ANKRD27: variants seen among roughly 807,000 people sequenced by gnomAD.
The protein encoded by ANKRD27 is ankyrin repeat domain-containing protein 27.
ANKRD27 carries 112 observed loss-of-function variants against 129.7 expected under a neutral mutation model. The ratio of observed to expected loss-of-function variants is 0.86; its 90% CI spans 0.74 to 1.01. The LOEUF is 1.01. Ranked by LOEUF, ANKRD27 falls within the 50% of genes least tolerant of loss-of-function variation. The probability of loss-of-function intolerance (pLI) is 0.00; values close to 1 mark genes in which losing one functional copy is unlikely to be tolerated. For missense variants in ANKRD27, 1,258 were observed against 1,300.5 expected, an observed-to-expected ratio of 0.97 and a Z score of 0.50; for synonymous variants, 516 against 511.2, an observed-to-expected ratio of 1.01 and a Z score of -0.13.
chr19:32,631,384 G>C lies in ANKRD27; in HGVS notation c.1209+18C>G. On this transcript the variant is annotated intron_variant, in intron 13 of 28. Transcript: ENST00000306065. Reference sequence around the variant, plus strand: ...TTCCTCACCCACATTTACCCACAGAGATGTCTTGGTATCTCACCTTAAACA... The same window carrying C: ...TTCCTCACCCACATTTACCCACAGACATGTCTTGGTATCTCACCTTAAACA... 6.2e-7 allele frequency: 1 copy of C among 1,605,468 alleles called. No homozygotes were observed. Among genetic ancestry groups the C allele is most frequent in the South Asian group, 1.1e-5 (1 of 90,900 alleles).
intron 14 of ANKRD27, 136 bp from the exon 15 acceptor site, chr19:32,628,301 A>C: frequency 1.4e-6 from 1 of 701,318 alleles, no homozygotes; most frequent in Non-Finnish European, 2.4e-6. Flanking sequence ...TGTCTCCGGC[A>C]CTGTCCCAGT....
rs1258919747 is a variant in ANKRD27, at chr19:32,626,786, T to C, written c.1462A>G (p.Met488Val). ...LIDLLVSKGA[M>V]VNATDYHGAT... Reference sequence around the variant, plus strand: ...CCATGGTAGTCTGTGGCATTTACCATGGCGCCCTTGGAAACCAGGAGGTCG... The same window carrying C: ...CCATGGTAGTCTGTGGCATTTACCACGGCGCCCTTGGAAACCAGGAGGTCG... The change falls in exon 16 of 29, where the codon ATG (methionine) becomes GTG (valine). Residue 488 changes from methionine to valine, a missense_variant. Coordinates refer to ENST00000306065, the MANE Select transcript of ANKRD27 (RefSeq NM_032139.3). 2 of 1,612,284 alleles carry C rather than the reference T, an allele frequency of 1.2e-6. No individual in the cohort carries two copies. The highest frequency in any genetic ancestry group is 1.7e-5 in the Admixed American group (1 of 59,770).
rs531192231 is a variant in ANKRD27, at chr19:32,655,522, A to T, written c.102+3392T>A. Among the ~76,000 whole-genome samples the T allele has an allele frequency of 3.9e-5, 6 of 152,304 alleles. No homozygotes were observed. In the South Asian group the frequency reaches 1.2e-3, roughly 32 times the overall value. On this transcript the variant is annotated intron_variant, in intron 2 of 28. Transcript: ENST00000306065. ...TGAAAGGAAGGTGACAAGGCAGAAA[A>T]GTTCATTCAAAATCCCCCTTTTGCT...
At chr19:32,639,184 G>C in intron 12 of ANKRD27, 172 bp downstream of exon 12, 1 of 692,072 alleles carries the variant, frequency 1.4e-6, no homozygotes. Flanking sequence ...CCAATTGAGG[G>C]CTTGGTGTTC....
In ANKRD27 at chr19:32,605,857, T is replaced by C; in HGVS notation, c.2471A>G (p.Glu824Gly). 1 of 1,613,880 alleles carries C rather than the reference T, an allele frequency of 6.2e-7. No individual in the cohort carries two copies. Among genetic ancestry groups the C allele is most frequent in the Non-Finnish European group, 8.5e-7 (1 of 1,179,878 alleles). ...CACCTGTAGCAGCAGTGCCACAAGC[T>C]CGTGATGGCCACCGGAGCAGGCGTA... ...LIYACSGGHH[E>G]LVALLLQHGA... The change falls in exon 24 of 29, where the codon GAG (glutamate) becomes GGG (glycine). Residue 824 changes from glutamate to glycine, a missense_variant. Glu to Gly is a moderately conservative substitution (Grantham distance 98). Transcript: ENST00000306065.
intron 1 of ANKRD27, among the ~76,000 whole-genome samples, chr19:32,668,450 CCACTG>C (rs1249755301): frequency 6.6e-6 from 1 of 151,628 alleles, no homozygotes; most frequent in Non-Finnish European, 1.5e-5. Context: ...AAGGCATAAG[CCACTG>C]TGCCCAGTCT....
intron 10 of ANKRD27, 113 bp from the exon 11 acceptor site, chr19:32,640,498 C>T: frequency 1.2e-6 from 1 of 834,532 alleles, no homozygotes. Context: ...GGAGATCATA[C>T]ACTGGGGGAG....
intron 28 of ANKRD27, 47 bp from the exon 29 acceptor site, chr19:32,598,425 G>A (rs760990041): frequency 2.5e-6 from 4 of 1,580,704 alleles, no homozygotes; most frequent in Non-Finnish European, 8.7e-7. Flanking sequence ...CACTGTACTG[G>A]AAGCCACAAC....
chr19:32,612,783 A>C (rs114799900), intron 22 of ANKRD27, among the ~76,000 whole-genome samples: 2,052 of 152,334 alleles, frequency 0.013, 48 homozygotes, highest in African/African-American at 0.047. Flanking sequence ...TAAATCTCAC[A>C]CTTTGAGTAA....
At chr19:32,609,913 C>T (rs537919159) in intron 22 of ANKRD27, among the ~76,000 whole-genome samples, 2 of 152,176 alleles carry the variant, frequency 1.3e-5, no homozygotes, top group East Asian at 1.9e-4. Context: ...TGGTGGCTCA[C>T]GCCTATAATC....
chr19:32,646,465 T>C lies in ANKRD27; in HGVS notation c.364A>G (p.Ser122Gly), dbSNP rs772178514. 1.2e-6 allele frequency: 2 copies of C among 1,602,940 alleles called. No individual in the cohort carries two copies. The highest frequency in any genetic ancestry group is 1.7e-6 in the Non-Finnish European group (2 of 1,176,740). Residue 122 changes from serine (S) to glycine (G), a missense_variant, in exon 4 of 29, where the codon AGT (serine) becomes GGT (glycine). Transcript: ENST00000306065. The stretch of plus-strand genomic sequence containing the variant: ...GTTTTTTCTCCCAGAATACCTGAAC[T>C]CTCTCTCTTTTCCAAAGGATGGGCT... Reference protein sequence around the residue: ...CIAHPLEKRESSEEPLAPSDP... With the variant: ...CIAHPLEKREGSEEPLAPSDP...
At chr19:32,617,745 C>A in intron 20 of ANKRD27, 112 bp from the exon 21 acceptor site, 1 of 459,948 alleles carries the variant, frequency 2.2e-6, no homozygotes, top group Non-Finnish European at 4.0e-6. Flanking sequence ...CTTTTAACGT[C>A]TGATTTAGTT....
At chr19:32,608,473 T>A in intron 22 of ANKRD27, 1 of 283,632 alleles carries the variant, frequency 3.5e-6, no homozygotes. Context: ...GTGAGAATAA[T>A]TTTACTTTTT....
At chr19:32,657,461 C>CAAA (rs397859964) in intron 2 of ANKRD27, among the ~76,000 whole-genome samples, 4 of 98,324 alleles carry the variant, frequency 4.1e-5, no homozygotes, top group African/African-American at 1.4e-4. Flanking sequence ...GGCTCTGTCT[C>CAAA]AAAAAAAAAA....
chr19:32,666,152 G>A (rs1472683867), intron 1 of ANKRD27: 1 of 152,192 alleles, frequency 6.6e-6, no homozygotes, highest in African/African-American at 2.4e-5. Flanking sequence ...TTTCCATAAG[G>A]ATCGTATACG....
intron 9 of ANKRD27, 59 bp downstream of exon 9, chr19:32,643,064 G>A (rs1308666452): frequency 1.4e-5 from 21 of 1,552,902 alleles, no homozygotes; most frequent in Non-Finnish European, 1.7e-5. Context: ...GCCTGCTTCC[G>A]GGAGAAGACA....
chr19:32,625,826 G>A lies in ANKRD27; in HGVS notation c.1629+48C>T. ...ATGAGAAATCCCGACTTCTCTACGA[G>A]TGGGAAAGGGTGAACGCAGCCCCCC... On this transcript the variant is annotated intron_variant, in intron 17 of 28. Transcript: ENST00000306065. 5.0e-6 allele frequency: 7 copies of A among 1,402,964 alleles called. No homozygotes were observed. In the South Asian group the frequency reaches 5.6e-5, roughly 11 times the overall value. 86.9% of individuals were successfully genotyped at this position (1,402,964 alleles called of 1,614,324 possible).
At chr19:32,602,373 A>G (rs558977238) in intron 25 of ANKRD27, among the ~76,000 whole-genome samples, 1 of 151,986 alleles carries the variant, frequency 6.6e-6, no homozygotes, top group African/African-American at 2.4e-5. Context: ...GGATTCAACC[A>G]CTCCATGCAA....
intron 1 of ANKRD27, among the ~76,000 whole-genome samples, chr19:32,665,907 T>C (rs956271593): frequency 1.4e-4 from 22 of 151,762 alleles, no homozygotes; most frequent in African/African-American, 4.6e-4. Flanking sequence ...GACTACAGAC[T>C]ACACGCCACA....
Sources: gnomAD v4.1 joint callset for allele counts (sites outside exome capture counted in the v4.1 genomes callset) on GRCh38, gnomAD v4.1.1 for gene constraint, MANE v1.5 for transcripts, NCBI Gene and HGNC (gene_info 2026-07-23, HGNC 2026-07-21) for gene names.